The following EFCAB11 variants were observed in gnomAD, a reference collection of about 807,000 sequenced individuals.
EFCAB11 encodes EF-hand calcium binding domain 11.
Under a neutral mutation model 23.0 loss-of-function variants are expected in EFCAB11, and 14 were observed. That is an observed-to-expected ratio of 0.61 (90% confidence interval 0.40 to 0.95). The LOEUF is 0.95. Among genes scored for constraint, EFCAB11 ranks in the 40% least tolerant of loss-of-function variants. The probability of loss-of-function intolerance (pLI) is 0.00; values close to 1 mark genes in which losing one functional copy is unlikely to be tolerated. For synonymous variants in EFCAB11, 65 were observed against 66.6 expected, an observed-to-expected ratio of 0.98 and a Z score of 0.11; for missense variants, 198 against 195.8, an observed-to-expected ratio of 1.01 and a Z score of -0.07.
At chr14:89,916,192 T>A (rs1181606317) in intron 5 of EFCAB11, among the ~76,000 whole-genome samples, 1 of 149,320 alleles carries the variant, frequency 6.7e-6, no homozygotes, top group Non-Finnish European at 1.5e-5. Context: ...AAACAACAAA[T>A]TTGTGGATAC....
intron 3 of EFCAB11, among the ~76,000 whole-genome samples, chr14:89,941,396 A>T (rs760053612): frequency 2.0e-5 from 3 of 152,108 alleles, no homozygotes; most frequent in Non-Finnish European, 4.4e-5. Context: ...TTTTGTCACA[A>T]TTAGGAGTAT....
chr14:89,873,679 C>A (rs757499709), intron 5 of EFCAB11, among the ~76,000 whole-genome samples: 1 of 152,198 alleles, frequency 6.6e-6, no homozygotes, highest in Non-Finnish European at 1.5e-5. Context: ...GGGCTACAGG[C>A]CCCATGCAAC....
intron 3 of EFCAB11, among the ~76,000 whole-genome samples, chr14:89,942,068 T>C (rs1050727033): frequency 1.3e-5 from 2 of 151,972 alleles, no homozygotes; most frequent in African/African-American, 2.4e-5. Context: ...CCTGCCACCA[T>C]GGGAAGAAGG....
intron 5 of EFCAB11, among the ~76,000 whole-genome samples, chr14:89,896,168 G>A (rs1029032772): frequency 4.6e-5 from 7 of 152,156 alleles, no homozygotes; most frequent in Admixed American, 4.6e-4. Flanking sequence ...GGCGGACCAC[G>A]AGGTCAGGAG....
chr14:89,950,764 A>G (rs1459188346), intron 2 of EFCAB11, among the ~76,000 whole-genome samples: 1 of 152,168 alleles, frequency 6.6e-6, no homozygotes, highest in African/African-American at 2.4e-5. Context: ...TAAACGTTAT[A>G]GTATTAGAGC....
chr14:89,867,834 G>C (rs1282624544), intron 5 of EFCAB11, among the ~76,000 whole-genome samples: 3 of 152,168 alleles, frequency 2.0e-5, no homozygotes, highest in African/African-American at 7.2e-5. Flanking sequence ...CGACTGTGGA[G>C]GACACTGGGA....
intron 5 of EFCAB11, among the ~76,000 whole-genome samples, chr14:89,880,066 A>G (rs1435375053): frequency 6.6e-6 from 1 of 152,156 alleles, no homozygotes; most frequent in Non-Finnish European, 1.5e-5. Flanking sequence ...TTGTGAGTAT[A>G]CCTTTCTTAG....
intron 3 of EFCAB11, among the ~76,000 whole-genome samples, chr14:89,937,042 A>T (rs1477562456): frequency 6.6e-6 from 1 of 152,212 alleles, no homozygotes; most frequent in East Asian, 1.9e-4. Flanking sequence ...ATTTGTGCAC[A>T]CTGTTCCACT....
At chr14:89,941,873 G>C (rs1890807684) in intron 3 of EFCAB11, among the ~76,000 whole-genome samples, 1 of 152,002 alleles carries the variant, frequency 6.6e-6, no homozygotes, top group African/African-American at 2.4e-5. Context: ...AAAATATAAT[G>C]AGGATAATAT....
At chr14:89,843,783 G>A (rs1426099659) in intron 5 of EFCAB11, among the ~76,000 whole-genome samples, 2 of 152,104 alleles carry the variant, frequency 1.3e-5, no homozygotes, top group African/African-American at 4.8e-5. Flanking sequence ...TGACTTAAAC[G>A]GATCTTCTAA....
chr14:89,919,204 CAGAGAG>C (rs61549850), intron 5 of EFCAB11, among the ~76,000 whole-genome samples: 8,471 of 147,656 alleles, frequency 0.057, 403 homozygotes, highest in African/African-American at 0.13. Context: ...GAGAGAGAGA[CAGAGAG>C]AGAGAGAGAG....
intron 5 of EFCAB11, among the ~76,000 whole-genome samples, chr14:89,885,541 G>A (rs1379510868): frequency 1.3e-5 from 2 of 152,086 alleles, no homozygotes; most frequent in African/African-American, 4.8e-5. Flanking sequence ...AGCCAGGCGT[G>A]GTAGCGTGCG....
intron 5 of EFCAB11, among the ~76,000 whole-genome samples, chr14:89,894,432 G>A (rs926441141): frequency 5.5e-5 from 3 of 55,026 alleles, no homozygotes; most frequent in African/African-American, 2.1e-4. Context: ...CCCCACCTCC[G>A]CCCCCGACAG....
chr14:89,892,031 G>A (rs1888987484), intron 5 of EFCAB11: 16 of 1,538,218 alleles, frequency 1.0e-5, no homozygotes, highest in East Asian at 7.4e-5. Context: ...CTGCATCACC[G>A]GGTCCTTTTA....
intron 5 of EFCAB11, among the ~76,000 whole-genome samples, chr14:89,893,169 GAGAAGCC>G (rs1184542008): frequency 2.6e-5 from 4 of 152,350 alleles, no homozygotes; most frequent in African/African-American, 9.6e-5. Context: ...CTCAGACACT[GAGAAGCC>G]AGCGTCAGGA....
chr14:89,795,173 G>A lies in EFCAB11; in HGVS notation c.*2070C>T, dbSNP rs913213092. On this transcript the variant is annotated 3_prime_UTR_variant, in exon 6 of 6. Transcript: ENST00000316738. Reference sequence around the variant, plus strand: ...TTTTTTGTTTTTTGTATTTTTAGTAGAGACGGGGTTTCACCGTGTTAGCCA... The same window carrying A: ...TTTTTTGTTTTTTGTATTTTTAGTAAAGACGGGGTTTCACCGTGTTAGCCA... The A allele has an allele frequency of 5.0e-4, 76 of 150,844 alleles. No individual in the cohort carries two copies. Among genetic ancestry groups the A allele is most frequent in the African/African-American group, 1.6e-3 (67 of 41,312 alleles). 9.3% of individuals were successfully genotyped at this position (150,844 alleles called of 1,614,324 possible). A position where few individuals can be genotyped will look rare whatever the true frequency, so the allele number is the denominator to read the frequency against.
At chr14:89,935,212 T>C (rs910829187) in intron 3 of EFCAB11, among the ~76,000 whole-genome samples, 10 of 152,146 alleles carry the variant, frequency 6.6e-5, no homozygotes, top group African/African-American at 2.4e-4. Context: ...TGGCCACATG[T>C]CTGCCTGAGA....
chr14:89,913,197 GCT>G (rs1432823536), intron 5 of EFCAB11, among the ~76,000 whole-genome samples: 3 of 152,200 alleles, frequency 2.0e-5, no homozygotes, highest in Non-Finnish European at 4.4e-5. Context: ...CCTCAGCTCA[GCT>G]CTGAGATGGA....
At chr14:89,843,251 T>C (rs1390861946) in intron 5 of EFCAB11, among the ~76,000 whole-genome samples, 1 of 152,204 alleles carries the variant, frequency 6.6e-6, no homozygotes, top group East Asian at 1.9e-4. Flanking sequence ...ATATTTACTA[T>C]ACTAGAAATG....
Sources: allele counts gnomAD v4.1 joint callset (sites outside exome capture counted in the v4.1 genomes callset), GRCh38; gene constraint gnomAD v4.1.1; transcripts MANE v1.5; gene names NCBI Gene and HGNC (gene_info 2026-07-23, HGNC 2026-07-21).